Variants in CASP5 observed in about 807,000 individuals in gnomAD.
CASP5 encodes caspase 5.
A neutral mutation model predicts 45.2 loss-of-function variants in CASP5; 42 were observed. That is an observed-to-expected ratio of 0.93 (90% CI 0.73 to 1.20). The LOEUF is 1.20. CASP5 is among the 50% of genes most tolerant of loss of function. The pLI is 0.00. For synonymous variants in CASP5, 209 were observed against 186.2 expected (o/e 1.12, Z -1.00); for missense variants, 512 against 532.2 (o/e 0.96, Z 0.37).
intron 3 of CASP5, among the ~76,000 whole-genome samples, chr11:105,005,356 ATGTGTG>A (rs5794366): frequency 0.066 from 9,221 of 139,216 alleles, 312 homozygotes; most frequent in Middle Eastern, 0.096. Context: ...GTATATATAT[ATGTGTG>A]TGTGTGTGTG....
chr11:105,003,059 G>T (rs1339491243), intron 4 of CASP5, among the ~76,000 whole-genome samples: 2 of 151,988 alleles, frequency 1.3e-5, no homozygotes, highest in Non-Finnish European at 2.9e-5. Flanking sequence ...AATCAGCCTG[G>T]CAAGGTAGTG....
At chr11:104,997,911 G>T (rs1412130155) in intron 7 of CASP5, among the ~76,000 whole-genome samples, 4 of 152,148 alleles carry the variant, frequency 2.6e-5, no homozygotes, top group Non-Finnish European at 5.9e-5. Flanking sequence ...TTTACAGATT[G>T]CACCATGATG....
At position 105,023,167 on chromosome 11, in the gene CASP5, C is replaced by T. The variant is rs1863064209; in HGVS notation, c.-31G>A. The T allele has an allele frequency of 1.9e-6, 3 of 1,550,034 alleles. No homozygotes were observed. The highest frequency in any genetic ancestry group is 1.4e-5 in the African/African-American group (1 of 73,072). On this transcript the variant is annotated 5_prime_UTR_variant, in exon 1 of 10. In the 5' UTR this introduces an upstream ATG that the reference lacks. Transcript: ENST00000260315. ...ACAGCCTCTGTCTCTTTGTACAGCA[C>T]TGGAAAGTGCCTCAGACTCAGAGAT...
chr11:105,007,839 C>T (rs897835879), intron 2 of CASP5, among the ~76,000 whole-genome samples: 7 of 152,132 alleles, frequency 4.6e-5, no homozygotes, highest in African/African-American at 1.4e-4. Context: ...TGCTCATTAA[C>T]ATCTTTGTGC....
At chr11:105,010,000 C>T (rs906050085) in intron 1 of CASP5, among the ~76,000 whole-genome samples, 1 of 149,372 alleles carries the variant, frequency 6.7e-6, no homozygotes, top group Admixed American at 6.7e-5. Flanking sequence ...ATGATTTAAG[C>T]AGGTTGTATG....
At chr11:105,015,097 G>C (rs189693185) in intron 1 of CASP5, among the ~76,000 whole-genome samples, 1 of 152,306 alleles carries the variant, frequency 6.6e-6, no homozygotes, top group East Asian at 1.9e-4. Flanking sequence ...AAGTGGGCGT[G>C]ATGAGATAGG....
At chr11:104,997,889 G>A (rs1861537675) in intron 7 of CASP5, among the ~76,000 whole-genome samples, 1 of 152,104 alleles carries the variant, frequency 6.6e-6, no homozygotes, top group Non-Finnish European at 1.5e-5. Flanking sequence ...CTACCGTCGG[G>A]CTCCAAGATT....
At chr11:105,009,212 T>C (rs986050861) in intron 1 of CASP5, among the ~76,000 whole-genome samples, 1 of 151,984 alleles carries the variant, frequency 6.6e-6, no homozygotes, top group Non-Finnish European at 1.5e-5. Flanking sequence ...TTATAGCTTG[T>C]CTTTTTCCTT....
intron 1 of CASP5, among the ~76,000 whole-genome samples, chr11:105,014,294 G>GC (rs1252384818): frequency 7.9e-6 from 1 of 126,560 alleles, no homozygotes; most frequent in Non-Finnish European, 1.8e-5. Context: ...AGACCAGATG[G>GC]CATTTTTTTT....
At chr11:105,009,824 T>TATGTATAC (rs1565388394) in intron 1 of CASP5, among the ~76,000 whole-genome samples, 12 of 94,172 alleles carry the variant, frequency 1.3e-4, no homozygotes, top group African/African-American at 7.0e-4. Flanking sequence ...CATATATATA[T>TATGTATAC]ACACATATAT....
At chr11:104,998,769 G>A in intron 7 of CASP5, 116 bp downstream of exon 7, 2 of 984,322 alleles carry the variant, frequency 2.0e-6, no homozygotes, top group South Asian at 1.6e-5. Flanking sequence ...AATATATAGA[G>A]AGCACACACC....
At chr11:105,004,887 A>T (rs1861928298) in intron 3 of CASP5, among the ~76,000 whole-genome samples, 1 of 152,104 alleles carries the variant, frequency 6.6e-6, no homozygotes, top group Non-Finnish European at 1.5e-5. Context: ...GTCTGAGGGT[A>T]TGTTTTCCTG....
chr11:105,011,851 T>A (rs760423440), intron 1 of CASP5, among the ~76,000 whole-genome samples: 5 of 151,732 alleles, frequency 3.3e-5, no homozygotes, highest in Admixed American at 3.3e-4. Context: ...ATTACATTAT[T>A]ATGTCTATAC....
chr11:105,011,538 ATAT>A (rs1401069125), intron 1 of CASP5, among the ~76,000 whole-genome samples: 1 of 151,774 alleles, frequency 6.6e-6, no homozygotes, highest in African/African-American at 2.4e-5. Context: ...GATCTTACAT[ATAT>A]TAAGAAAACC....
At position 104,998,306 on chromosome 11, in the gene CASP5, G is replaced by A. The variant is rs45628239; in HGVS notation, c.1096+579C>T. ...CTTGAAAATTTACAACTTGGAAAGA[G>A]TAAAATAGAAAGCCCTTTAGGATGA... is the stretch of plus-strand genomic sequence containing the variant. On this transcript the variant is annotated intron_variant, in intron 7 of 9. Coordinates refer to ENST00000260315, the MANE Select transcript of CASP5 (RefSeq NM_004347.5). Among the ~76,000 whole-genome samples the A allele has an allele frequency of 2.3e-3, 347 of 151,172 alleles. 3 individuals are homozygous for A. Among genetic ancestry groups the A allele is most frequent in the African/African-American group, 6.2e-3 (255 of 41,318 alleles).
rs1158840667 is a variant in CASP5 at position 105,002,083 on chromosome 11, CT to C, written c.661del (p.Arg221GlyfsTer25). The C allele has an allele frequency of 1.2e-6, 2 of 1,614,062 alleles. No homozygotes were observed. Among genetic ancestry groups the C allele is most frequent in the African/African-American group, 2.7e-5 (2 of 74,908 alleles). ...AGTGTAGCCCAGGCCTTGAAGCAGC[CT>C]TTTCATCCCCACGATGTCATAGTGA... Reference protein sequence around the residue: ...GAHYDIVGMKRLLQGLGYTVV... With the variant: ...GAHYDIVGMKXLLQGLGYTVV... On this transcript the variant is annotated frameshift_variant, in exon 5 of 10. Coordinates refer to ENST00000260315, the MANE Select transcript of CASP5 (RefSeq NM_004347.5). LOFTEE classifies it high-confidence loss of function.
intron 1 of CASP5, among the ~76,000 whole-genome samples, chr11:105,014,842 G>A (rs997422317): frequency 4.6e-5 from 7 of 152,254 alleles, no homozygotes; most frequent in East Asian, 1.9e-4. Flanking sequence ...TTTAAATAAC[G>A]AGCAGATGCT....
chr11:104,995,687 C>A, intron 9 of CASP5, 53 bp downstream of exon 9: 1 of 1,173,172 alleles, frequency 8.5e-7, no homozygotes, highest in South Asian at 1.3e-5. Flanking sequence ...TGAACTTCAC[C>A]ACCGATATAG....
intron 1 of CASP5, among the ~76,000 whole-genome samples, chr11:105,010,452 TA>T (rs1862292288): frequency 2.4e-5 from 3 of 124,232 alleles, no homozygotes; most frequent in Non-Finnish European, 3.7e-5. Context: ...TTATCATTAT[TA>T]TACTGATATA....
Sources: allele counts gnomAD v4.1 joint callset (sites outside exome capture counted in the v4.1 genomes callset), GRCh38; gene constraint gnomAD v4.1.1; transcripts MANE v1.5; gene names NCBI Gene and HGNC (gene_info 2026-07-23, HGNC 2026-07-21).